MVD: variants seen among roughly 807,000 people sequenced by gnomAD.
MVD encodes the protein mevalonate diphosphate decarboxylase.
Under a neutral mutation model 42.4 loss-of-function variants are expected in MVD, and 52 were observed. The observed-to-expected ratio is 1.23, with a 90% CI of 0.98 to 1.55. The LOEUF is 1.55. Among genes scored for constraint, MVD ranks in the 40% most tolerant of loss-of-function variants. The pLI, the probability that MVD is intolerant of heterozygous loss-of-function variation, is 0.00. For synonymous variants in MVD, 287 were observed against 243.2 expected, an observed-to-expected ratio of 1.18 and a Z score of -1.68; for missense variants, 663 against 572.1, an observed-to-expected ratio of 1.16 and a Z score of -1.62.
intron 7 of MVD, 21 bp from the exon 8 acceptor site, chr16:88,654,828 C>G: frequency 1.9e-6 from 3 of 1,553,786 alleles, no homozygotes; most frequent in Non-Finnish European, 1.7e-6. Flanking sequence ...CAGCAGTCAC[C>G]CTGGCTATTC....
chr16:88,654,821 C>A lies in MVD; in HGVS notation c.898-14G>T, dbSNP rs752731553. The A allele has an allele frequency of 1.9e-6, 3 of 1,560,648 alleles. No homozygotes were observed. In the African/African-American group the frequency reaches 4.1e-5, roughly 22 times the overall value. On this transcript the variant is annotated splice_polypyrimidine_tract_variant and intron_variant, in intron 7 of 9. Coordinates refer to ENST00000301012, the MANE Select transcript of MVD (RefSeq NM_002461.3). ...GGTGTACGCCACCTGGAACCCACAGCAGTCACCCTGGCTATTCACGTGGTG... is the reference window on the plus strand; with the variant it reads ...GGTGTACGCCACCTGGAACCCACAGAAGTCACCCTGGCTATTCACGTGGTG...
rs147252211 is a variant in MVD at position 88,657,505 on chromosome 16, C to G, written c.334G>C (p.Val112Leu). Reference protein sequence around the residue: ...LPSSLSCKVHVASVNNFPTAA... With the variant: ...LPSSLSCKVHLASVNNFPTAA... ...GTGGGGAAGTTGTTCACCGATGCCACGTGCACCTTGCAGCTGAGGCTGGAG... is the reference window on the plus strand; with the variant it reads ...GTGGGGAAGTTGTTCACCGATGCCAGGTGCACCTTGCAGCTGAGGCTGGAG... The change falls in exon 4 of 10, where the codon GTG (valine) becomes CTG (leucine). Residue 112 changes from valine to leucine, a missense_variant. Physicochemically the swap from Val to Leu is conservative, Grantham distance 32. Coordinates refer to ENST00000301012, the MANE Select transcript of MVD (RefSeq NM_002461.3). The G allele has an allele frequency of 6.2e-7, 1 of 1,612,786 alleles. No homozygotes were observed.
chr16:88,657,988 G>C lies in MVD; in HGVS notation c.183C>G (p.Thr61=), dbSNP rs568814170. 2.4e-4 allele frequency: 392 copies of C among 1,614,052 alleles called. 9 individuals carry two copies. The South Asian group carries it at 4.1e-3, about 17-fold the overall frequency. The change falls in exon 3 of 10, where the codon ACC becomes ACG. Residue 61 remains threonine, a synonymous_variant. Transcript: ENST00000301012. ...GGCCATTCAGCCAAATCCGGTCCTC[G>C]GTGAAGTCCTTGCTGATGACGGCTG... is the stretch of plus-strand genomic sequence containing the variant. ...TTTAVISKDF[T]EDRIWLNGRE...
chr16:88,652,733 G>T (rs1907653042), intron 9 of MVD, 128 bp from the exon 10 acceptor site: 1 of 893,296 alleles, frequency 1.1e-6, no homozygotes, highest in Non-Finnish European at 1.7e-6. Context: ...TGGTCAGAAG[G>T]TAAAGCGCCT....
At chr16:88,655,992 C>T in intron 5 of MVD, 113 bp downstream of exon 5, 1 of 1,406,556 alleles carries the variant, frequency 7.1e-7, no homozygotes, top group African/African-American at 1.4e-5. Flanking sequence ...CCCCCGCTGA[C>T]CCCAGGAGCC....
intron 9 of MVD, 41 bp downstream of exon 9, chr16:88,653,259 G>A (rs1199250580): frequency 6.5e-7 from 1 of 1,538,262 alleles, no homozygotes; most frequent in African/African-American, 1.4e-5. Context: ...CCCCTGGCAG[G>A]AAAGGAAACC....
chr16:88,652,674 G>A, intron 9 of MVD, 69 bp from the exon 10 acceptor site: 2 of 1,427,468 alleles, frequency 1.4e-6, no homozygotes, highest in Non-Finnish European at 1.9e-6. Flanking sequence ...GCATCTGTAG[G>A]GCCGGACACA....
intron 8 of MVD, among the ~76,000 whole-genome samples, chr16:88,653,870 G>A (rs573454878): frequency 5.3e-5 from 8 of 152,218 alleles, no homozygotes; most frequent in East Asian, 1.9e-4. Context: ...CTTCCCAGGC[G>A]GGCAGTCCTG....
intron 4 of MVD, chr16:88,656,505 A>C: frequency 8.1e-6 from 5 of 619,016 alleles, no homozygotes; most frequent in Non-Finnish European, 1.4e-5. Flanking sequence ...ACTCTCGGAC[A>C]CTCTCTGTTC....
intron 1 of MVD, among the ~76,000 whole-genome samples, chr16:88,659,693 C>T (rs918096468): frequency 2.6e-5 from 4 of 152,122 alleles, no homozygotes; most frequent in African/African-American, 7.2e-5. Flanking sequence ...TGGCCGGGCG[C>T]GGTGGCTCAC....
Position 88,652,040 on chromosome 16 carries a change from G to A in MVD, c.*485C>T, listed in dbSNP as rs186545035. On this transcript the variant is annotated 3_prime_UTR_variant, in exon 10 of 10. Coordinates refer to ENST00000301012, the MANE Select transcript of MVD (RefSeq NM_002461.3). ...CCCAGGCCGTGGGCAGCCACCCTCC[G>A]AGACACCTGGGCCGGGGGCAGGGTC... The A allele has an allele frequency of 3.9e-5, 8 of 204,332 alleles. No homozygotes were observed. The highest frequency in any genetic ancestry group is 1.2e-4 in the African/African-American group (5 of 41,944). The allele number at this position is 204,332 out of a possible 1,614,324, so 12.7% of individuals were successfully genotyped here.
At position 88,657,937 on chromosome 16, in the gene MVD, CCGCGG is replaced by C; in HGVS notation, c.229_233del (p.Pro77AlafsTer69). The C allele has an allele frequency of 6.2e-7, 1 of 1,613,678 alleles. No homozygotes were observed. The highest frequency in any genetic ancestry group is 8.5e-7 in the Non-Finnish European group (1 of 1,180,002). ...CACTCTCCCGCAGGCAGGCCTGCAG[CCGCGG>C]CTGCCCCACATCCTCCTCCCGGCCA... On this transcript the variant is annotated frameshift_variant, in exon 3 of 10. Transcript: ENST00000301012. LOFTEE classifies it high-confidence loss of function.
intron 4 of MVD, chr16:88,657,131 G>GC (rs1491103190): frequency 1.2e-5 from 4 of 341,208 alleles, no homozygotes; most frequent in East Asian, 9.1e-5. Flanking sequence ...TTGTAGAGAT[G>GC]GGGGGGGGTC....
Position 88,654,718 on chromosome 16 carries a change from G to T in MVD, c.987C>A (p.Gly329=), listed in dbSNP as rs368211619. 342 of 1,599,978 alleles carry T rather than the reference G, an allele frequency of 2.1e-4. 1 individual carries two copies. Among genetic ancestry groups the T allele is most frequent in the Middle Eastern group, 3.3e-4 (2 of 6,012 alleles). Residue 329 remains glycine, a synonymous_variant, in exon 8 of 10, where the codon GGC becomes GGA. Transcript: ENST00000301012. The part of the protein sequence containing the change: ...VAEFVAAVWH[G]FPPGSNGDTF... ...TGTCTCCATTCGAGCCTGGGGGAAAGCCGTGCCACACAGCAGCCACAAACT... is the reference window on the plus strand; with the variant it reads ...TGTCTCCATTCGAGCCTGGGGGAAATCCGTGCCACACAGCAGCCACAAACT...
rs772737070 is a variant in MVD at position 88,657,926 on chromosome 16, C to G, written c.245G>C (p.Cys82Ser). The change falls in exon 3 of 10, where the codon TGC becomes TCC. Residue 82 changes from cysteine to serine, a missense_variant. Coordinates refer to ENST00000301012, the MANE Select transcript of MVD (RefSeq NM_002461.3). Reference protein sequence around the residue: ...EDVGQPRLQACLREIRCLARK... With the variant: ...EDVGQPRLQASLREIRCLARK... ...GGACCCCAGCTCACTCTCCCGCAGGCAGGCCTGCAGCCGCGGCTGCCCCAC... is the reference window on the plus strand; with the variant it reads ...GGACCCCAGCTCACTCTCCCGCAGGGAGGCCTGCAGCCGCGGCTGCCCCAC... 1.2e-6 allele frequency: 2 copies of G among 1,613,640 alleles called. No homozygotes were observed.
At chr16:88,662,278 G>T (rs1908352326) in intron 1 of MVD, 2 of 153,614 alleles carry the variant, frequency 1.3e-5, no homozygotes, top group African/African-American at 4.8e-5. Context: ...AGCAACAGAG[G>T]GGCAAAGCAC....
Position 88,662,819 on chromosome 16 carries a change from G to A in MVD, c.70+192C>T, listed in dbSNP as rs1196176397. On this transcript the variant is annotated intron_variant, in intron 1 of 9. Transcript: ENST00000301012. ...CAGCCGTCGCGGGGGAACGGGTGGC[G>A]CCGAGCTTGTCACGCGAAGGAGCGC... 4.1e-6 allele frequency: 6 copies of A among 1,458,890 alleles called. No individual in the cohort carries two copies. The South Asian group carries it at 5.4e-5, about 13-fold the overall frequency. The allele number at this position is 1,458,890 out of a possible 1,614,324, so 90.4% of individuals were successfully genotyped here. A position where few individuals can be genotyped will look rare whatever the true frequency, so the allele number is the denominator to read the frequency against.
chr16:88,654,686 A>T lies in MVD; in HGVS notation c.1013+6T>A. 6.3e-7 allele frequency: 1 copy of T among 1,592,328 alleles called. No homozygotes were observed. The highest frequency in any genetic ancestry group is 8.5e-7 in the Non-Finnish European group (1 of 1,172,854). ...AAAAAGGAGGAGGGGCGGGGTCCAC[A>T]CTCACGTGTCTCCATTCGAGCCTGG... On this transcript the variant is annotated splice_donor_region_variant and intron_variant, in intron 8 of 9. Coordinates refer to ENST00000301012, the MANE Select transcript of MVD (RefSeq NM_002461.3).
rs781035410 is a variant in MVD, at chr16:88,656,251, G to C, written c.457C>G (p.Arg153Gly). The C allele has an allele frequency of 2.5e-6, 4 of 1,600,258 alleles. No individual in the cohort carries two copies. In the South Asian group the frequency reaches 4.4e-5, roughly 18 times the overall value. ...CGGCAGGCGCTGCCTGAGCCCCGGC[G>C]AGCCACTTCTGAGAGGTCACTCTCC... The part of the protein sequence containing the change: ...GVESDLSEVA[R>G]RGSGSACRSL... The change falls in exon 5 of 10, where the codon CGC (arginine) becomes GGC (glycine). Residue 153 changes from arginine to glycine, a missense_variant. Physicochemically the swap from Arg to Gly is moderately radical, Grantham distance 125. Coordinates refer to ENST00000301012, the MANE Select transcript of MVD (RefSeq NM_002461.3).
Sources: gnomAD v4.1 joint callset for allele counts (sites outside exome capture counted in the v4.1 genomes callset) on GRCh38, gnomAD v4.1.1 for gene constraint, MANE v1.5 for transcripts, NCBI Gene and HGNC (gene_info 2026-07-23, HGNC 2026-07-21) for gene names.